Variants in KIF24 observed in about 807,000 individuals in gnomAD.
The protein encoded by KIF24 is kinesin family member 24, also known as kinesin-like protein KIF24.
A neutral mutation model predicts 118.9 loss-of-function variants in KIF24; 81 were observed. That is an observed-to-expected ratio of 0.68 (90% CI 0.57 to 0.82). The LOEUF (loss-of-function observed/expected upper bound fraction) is 0.82, where lower values mean the gene tolerates loss of function less well. Among genes scored for constraint, KIF24 ranks in the 40% least tolerant of loss-of-function variants. The probability of loss-of-function intolerance (pLI) is 0.00; values close to 1 mark genes in which losing one functional copy is unlikely to be tolerated. For synonymous variants in KIF24, 599 were observed against 610.0 expected (o/e 0.98, Z 0.27); for missense variants, 1,560 against 1,661.6 (o/e 0.94, Z 1.06).
intron 1 of KIF24, among the ~76,000 whole-genome samples, chr9:34,316,386 G>C (rs114868529): frequency 6.6e-6 from 1 of 151,238 alleles, no homozygotes. Context: ...CCAAGGCAAC[G>C]AAGTGATTAA....
At chr9:34,319,329 G>T in intron 1 of KIF24, 2 of 900,344 alleles carry the variant, frequency 2.2e-6, no homozygotes, top group Non-Finnish European at 3.7e-6. Flanking sequence ...CCAAGCGGGT[G>T]GTGGAAGTTC....
chr9:34,323,637 GA>G (rs1448666558), intron 1 of KIF24, among the ~76,000 whole-genome samples: 1 of 152,126 alleles, frequency 6.6e-6, no homozygotes, highest in Non-Finnish European at 1.5e-5. Flanking sequence ...TGTTCAATCA[GA>G]AAAATAACTG....
At chr9:34,288,001 C>G (rs1305370745) in intron 5 of KIF24, among the ~76,000 whole-genome samples, 2 of 152,078 alleles carry the variant, frequency 1.3e-5, no homozygotes, top group Admixed American at 1.3e-4. Context: ...TGAGCCCACC[C>G]CAGAAAGATT....
intron 8 of KIF24, among the ~76,000 whole-genome samples, chr9:34,266,679 G>GA (rs1252037077): frequency 0.22 from 16,774 of 77,108 alleles, 1,284 homozygotes; most frequent in Non-Finnish European, 0.28. Context: ...CTCCATCTCA[G>GA]AAAAAAAAAA....
intron 1 of KIF24, among the ~76,000 whole-genome samples, chr9:34,312,099 T>C (rs1252941885): frequency 2.0e-5 from 3 of 152,156 alleles, no homozygotes; most frequent in African/African-American, 4.8e-5. Context: ...GAAGATAGCA[T>C]TTGCATTTGC....
chr9:34,298,712 T>C (rs534099113), intron 3 of KIF24, among the ~76,000 whole-genome samples: 2 of 152,088 alleles, frequency 1.3e-5, no homozygotes, highest in Non-Finnish European at 2.9e-5. Context: ...GATTTCAGTC[T>C]TTACTGGAAG....
chr9:34,266,454 G>A (rs984759044), intron 8 of KIF24, among the ~76,000 whole-genome samples: 16 of 152,008 alleles, frequency 1.1e-4, no homozygotes, highest in African/African-American at 2.9e-4. Context: ...CGAAGCAGGC[G>A]AATCACGAGG....
At chr9:34,275,481 G>A (rs1486797526) in intron 6 of KIF24, among the ~76,000 whole-genome samples, 4 of 151,104 alleles carry the variant, frequency 2.6e-5, no homozygotes, top group Admixed American at 6.6e-5. Context: ...GGTAGGGATC[G>A]CTTGGGCCCA....
At chr9:34,317,588 G>T (rs906315565) in intron 1 of KIF24, among the ~76,000 whole-genome samples, 2 of 152,056 alleles carry the variant, frequency 1.3e-5, no homozygotes, top group Non-Finnish European at 2.9e-5. Flanking sequence ...TGAGTAGCAC[G>T]ATTAAAATCT....
At position 34,319,365 on chromosome 9, in the gene KIF24, A is replaced by G. The variant is rs549743675; in HGVS notation, c.-25-7994T>C. On this transcript the variant is annotated intron_variant, in intron 1 of 12. Coordinates refer to ENST00000402558, the MANE Select transcript of KIF24 (RefSeq NM_194313.4). ...CCATGACCTGCAGAAACTCCTGGCT[A>G]GGCTTGGCCTGACTGAGGCCATTGA... 208 of 873,520 alleles carry G rather than the reference A, an allele frequency of 2.4e-4. 2 individuals are homozygous for G. The African/African-American group carries it at 2.9e-3, about 12-fold the overall frequency. 54.1% of individuals were successfully genotyped at this position (873,520 alleles called of 1,614,324 possible).
Position 34,318,520 on chromosome 9 carries a change from G to C in KIF24, c.-25-7149C>G. ...GCACCGCAGAGAAGCTGAGCCCCAA[G>C]GCAGCCACGCTGGCCGAACACAGCG... is the stretch of plus-strand genomic sequence containing the variant. On this transcript the variant is annotated intron_variant, in intron 1 of 12. Coordinates refer to ENST00000402558, the MANE Select transcript of KIF24 (RefSeq NM_194313.4). The surrounding 1 kb of genome is among the most constrained non-coding windows in gnomAD (Gnocchi z 4.9). 1.1e-6 allele frequency: 1 copy of C among 938,596 alleles called. No individual in the cohort carries two copies. 58.1% of individuals were successfully genotyped at this position (938,596 alleles called of 1,614,324 possible).
rs765059988 is a variant in KIF24, at chr9:34,256,829, G to A, written c.2778C>T (p.Ser926=). The A allele has an allele frequency of 3.7e-5, 59 of 1,614,016 alleles. No homozygotes were observed. The South Asian group carries it at 5.7e-4, about 16-fold the overall frequency. ...PVDWSRENST[S]SGPSPRDSLA... Reference sequence around the variant, plus strand: ...GGCTGTCTCTGGGAGAAGGCCCTGAGGAAGTAGAGTTCTCTCTGCTCCAGT... The same window carrying A: ...GGCTGTCTCTGGGAGAAGGCCCTGAAGAAGTAGAGTTCTCTCTGCTCCAGT... The change falls in exon 11 of 13, where the codon TCC becomes TCT. Residue 926 remains serine (S), a synonymous_variant. Transcript: ENST00000402558.
intron 4 of KIF24, among the ~76,000 whole-genome samples, chr9:34,293,074 A>T (rs955377096): frequency 1.3e-5 from 2 of 152,206 alleles, no homozygotes; most frequent in African/African-American, 4.8e-5. Flanking sequence ...ATTGAACCTA[A>T]GAGATATTTC....
At chr9:34,293,923 T>C (rs999734284) in intron 4 of KIF24, among the ~76,000 whole-genome samples, 1 of 152,246 alleles carries the variant, frequency 6.6e-6, no homozygotes, top group Non-Finnish European at 1.5e-5. Context: ...CTCATGTTAC[T>C]GTTGGGAGTA....
Position 34,269,381 on chromosome 9 carries a change from A to ACTCCT in KIF24, c.1338-20_1338-19insAGGAG. ...AGAGATCCTAGAGAAAAGACACAGC[A>ACTCCT]GGAGTGACTTCTGTGAAGCTTTATT... On this transcript the variant is annotated intron_variant, in intron 7 of 12. Transcript: ENST00000402558. 1 of 1,126,612 alleles carries ACTCCT rather than the reference A, an allele frequency of 8.9e-7. No homozygotes were observed. The highest frequency in any genetic ancestry group is 1.3e-6 in the Non-Finnish European group (1 of 761,806). 69.8% of individuals were successfully genotyped at this position (1,126,612 alleles called of 1,614,324 possible). A position where few individuals can be genotyped will look rare whatever the true frequency, so the allele number is the denominator to read the frequency against.
At chr9:34,285,001 G>T (rs549478422) in intron 6 of KIF24, among the ~76,000 whole-genome samples, 1 of 152,058 alleles carries the variant, frequency 6.6e-6, no homozygotes, top group African/African-American at 2.4e-5. Flanking sequence ...TTGTACTTAC[G>T]TTAATAAATG....
At chr9:34,255,661 A>C in intron 11 of KIF24, 74 bp downstream of exon 11, 1 of 1,335,268 alleles carries the variant, frequency 7.5e-7, no homozygotes, top group Non-Finnish European at 1.0e-6. Context: ...CTCTTTGTCC[A>C]TGACAAAACA....
chr9:34,256,594 T>C lies in KIF24; in HGVS notation c.3013A>G (p.Thr1005Ala). ...PGSPDQRDTV[T>A]TPLREVSADG... Reference sequence around the variant, plus strand: ...GCACTGACTTCTCTCAGAGGTGTGGTGACTGTGTCTCTTTGGTCTGGGGAT... The same window carrying C: ...GCACTGACTTCTCTCAGAGGTGTGGCGACTGTGTCTCTTTGGTCTGGGGAT... The change falls in exon 11 of 13, where the codon ACC (threonine) becomes GCC (alanine). Residue 1005 changes from threonine to alanine, a missense_variant. By Grantham distance (58) the Thr-to-Ala change is moderately conservative (BLOSUM62 0). Transcript: ENST00000402558. The C allele has an allele frequency of 6.2e-7, 1 of 1,614,032 alleles. No individual in the cohort carries two copies. Among genetic ancestry groups the C allele is most frequent in the Non-Finnish European group, 8.5e-7 (1 of 1,179,908 alleles).
rs1837133965 is a variant in KIF24 at position 34,311,268 on chromosome 9, GAAGGCC to G, written c.73_78del (p.Gly25_Leu26del). On this transcript the variant is annotated inframe_deletion, in exon 2 of 13. Transcript: ENST00000402558. ...ATCTTGGCTAATTCATCTATTTTCT[GAAGGCC>G]AAGGGCAGTGAAATGAGAATAATAC... is the stretch of plus-strand genomic sequence containing the variant. 1 of 1,611,486 alleles carries G rather than the reference GAAGGCC, an allele frequency of 6.2e-7. No individual in the cohort carries two copies. The highest frequency in any genetic ancestry group is 1.1e-5 in the South Asian group (1 of 90,760).
Sources: allele counts gnomAD v4.1 joint callset (sites outside exome capture counted in the v4.1 genomes callset), GRCh38; gene constraint gnomAD v4.1.1; non-coding constraint Gnocchi (gnomAD v3.1); transcripts MANE v1.5; gene names NCBI Gene and HGNC (gene_info 2026-07-23, HGNC 2026-07-21).